Variants in RGS7 observed in about 807,000 individuals in gnomAD.
The protein encoded by RGS7 is regulator of G protein signaling 7.
Under a neutral mutation model 81.1 loss-of-function variants are expected in RGS7, and 27 were observed. The observed-to-expected ratio is 0.33, with a 90% CI of 0.25 to 0.46. The LOEUF is 0.46. Among genes scored for constraint, RGS7 ranks in the 20% least tolerant of loss-of-function variants. RGS7 has a pLI of 1.00. For missense variants in RGS7, 396 were observed against 607.4 expected, an observed-to-expected ratio of 0.65 and a Z score of 3.66; for synonymous variants, 208 against 207.7, an observed-to-expected ratio of 1.00 and a Z score of -0.01.
In RGS7 at chr1:240,785,649, G is replaced by A. The variant is rs117996336; in HGVS notation, c.*7-9436C>T. 4.6e-5 allele frequency among the ~76,000 whole-genome samples: 7 copies of A among 152,238 alleles called. No individual in the cohort carries two copies. The East Asian group carries it at 1.4e-3, about 29-fold the overall frequency. ...CTTGGGAAAATTAACTTTTAATTTG[G>A]GGGAGGAGAGACATGGTGGAGAGAG... On this transcript the variant is annotated intron_variant, in intron 18 of 18. Transcript: ENST00000440928.
intron 2 of RGS7, among the ~76,000 whole-genome samples, chr1:241,260,096 T>C (rs1296627177): frequency 6.6e-6 from 1 of 152,232 alleles, no homozygotes; most frequent in African/African-American, 2.4e-5. Flanking sequence ...AAATTCTTAC[T>C]GCTTCGTCTC....
At chr1:240,917,413 C>T (rs1672782895) in intron 6 of RGS7, among the ~76,000 whole-genome samples, 1 of 152,020 alleles carries the variant, frequency 6.6e-6, no homozygotes, top group Non-Finnish European at 1.5e-5. Flanking sequence ...ATGATACCAG[C>T]AACAATGCAA....
In RGS7 at chr1:241,089,092, T is replaced by TATATAC. The variant is rs1553414830; in HGVS notation, c.175+9568_175+9573dup. Among the ~76,000 whole-genome samples the TATATAC allele has an allele frequency of 7.0e-3, 699 of 99,986 alleles. 43 individuals carry two copies. The highest frequency in any genetic ancestry group is 0.014 in the South Asian group (45 of 3,144). 65.6% of individuals were successfully genotyped at this position (99,986 alleles called of 152,430 possible). The stretch of plus-strand genomic sequence containing the variant: ...ATATATATATATATATATATATATA[T>TATATAC]ATATACTGGCTTAGACCTAAGGTGA... On this transcript the variant is annotated intron_variant, in intron 3 of 18. Transcript: ENST00000440928.
Position 240,816,369 on chromosome 1 carries a change from T to C in RGS7, c.731A>G (p.His244Arg). Residue 244 changes from histidine (H) to arginine (R), a missense_variant, in exon 11 of 19, where the codon CAC (histidine) becomes CGC (arginine). His to Arg is a conservative substitution (Grantham distance 29). Coordinates refer to ENST00000440928, the MANE Select transcript of RGS7 (RefSeq NM_001364886.1). ...QNDIRSHSPTHTPTPETKPPT... is the reference protein window; with the variant it reads ...QNDIRSHSPTRTPTPETKPPT... ...AGGTTTAGTTTCTGGTGTGGGTGTG[T>C]GGGTAGGACTGTGACTTCTAATATC... The C allele has an allele frequency of 6.2e-7, 1 of 1,612,118 alleles. No individual in the cohort carries two copies. The highest frequency in any genetic ancestry group is 1.7e-5 in the Admixed American group (1 of 60,024).
intron 6 of RGS7, among the ~76,000 whole-genome samples, chr1:240,915,463 A>C (rs940506361): frequency 1.3e-5 from 2 of 152,168 alleles, no homozygotes; most frequent in African/African-American, 4.8e-5. Flanking sequence ...AACGCAACGG[A>C]AAGAACTGTA....
chr1:241,224,066 A>G lies in RGS7; in HGVS notation c.79-125304T>C, dbSNP rs2075168834. ...AATGACTGGTTGACTGGTGACCAATATATATATATATACCATATATATATT... is the reference window on the plus strand; with the variant it reads ...AATGACTGGTTGACTGGTGACCAATGTATATATATATACCATATATATATT... On this transcript the variant is annotated intron_variant, in intron 2 of 18. Transcript: ENST00000440928. Among the ~76,000 whole-genome samples the G allele has an allele frequency of 5.4e-5, 8 of 149,340 alleles. No individual in the cohort carries two copies. In the South Asian group the frequency reaches 1.7e-3, roughly 31 times the overall value.
At chr1:241,028,028 C>T (rs935817422) in intron 3 of RGS7, among the ~76,000 whole-genome samples, 10 of 152,172 alleles carry the variant, frequency 6.6e-5, no homozygotes, top group Admixed American at 1.3e-4. Flanking sequence ...TGGAGAGAAA[C>T]GTGTATCAGC....
chr1:240,782,628 T>C (rs1454526152), intron 18 of RGS7, among the ~76,000 whole-genome samples: 1 of 151,766 alleles, frequency 6.6e-6, no homozygotes, highest in Non-Finnish European at 1.5e-5. Context: ...CATTATGTCA[T>C]CCAGTCTGAT....
chr1:241,229,843 T>C (rs2075549679), intron 2 of RGS7, among the ~76,000 whole-genome samples: 1 of 152,184 alleles, frequency 6.6e-6, no homozygotes. Context: ...AACTTATCTA[T>C]GAAGATAAAG....
At chr1:240,785,481 A>C (rs914724001) in intron 18 of RGS7, among the ~76,000 whole-genome samples, 1 of 152,224 alleles carries the variant, frequency 6.6e-6, no homozygotes, top group Admixed American at 6.5e-5. Context: ...GGCCTGATGA[A>C]GTGATAACGG....
At chr1:241,276,372 A>C (rs4659596) in intron 2 of RGS7, among the ~76,000 whole-genome samples, 60,497 of 152,030 alleles carry the variant, frequency 0.4, 12,768 homozygotes, top group East Asian at 0.56. Flanking sequence ...ATAAAGCCTG[A>C]GAGGTTAATA....
At position 240,868,078 on chromosome 1, in the gene RGS7, GAAAGAAAAAGAAAGA is replaced by G. The variant is rs1287883795; in HGVS notation, c.609+494_609+508del. Among the ~76,000 whole-genome samples, 48 of 115,782 alleles carry G rather than the reference GAAAGAAAAAGAAAGA, an allele frequency of 4.1e-4. No individual in the cohort carries two copies. The highest frequency in any genetic ancestry group is 4.5e-3 in the Middle Eastern group (1 of 224). 76.0% of individuals were successfully genotyped at this position (115,782 alleles called of 152,430 possible). On this transcript the variant is annotated intron_variant, in intron 9 of 18. Transcript: ENST00000440928. The surrounding 1 kb of genome is among the most constrained non-coding windows in gnomAD (Gnocchi z 5.1). ...AAGAAAGAAAAGAAGAGAAAAGAAA[GAAAGAAAAAGAAAGA>G]AAAGAAAAAGAAAGAAAAGAAAAGG... is the stretch of plus-strand genomic sequence containing the variant.
intron 2 of RGS7, among the ~76,000 whole-genome samples, chr1:241,243,175 G>A (rs2076345560): frequency 6.6e-6 from 1 of 152,136 alleles, no homozygotes; most frequent in Admixed American, 6.5e-5. Flanking sequence ...AGTGTCACCT[G>A]AACTATCTTG....
intron 3 of RGS7, among the ~76,000 whole-genome samples, chr1:241,085,347 G>A (rs76341942): frequency 7.9e-5 from 12 of 152,258 alleles, no homozygotes; most frequent in Admixed American, 2.6e-4. Flanking sequence ...TATTTCCAGA[G>A]ATATTACCTG....
intron 6 of RGS7, among the ~76,000 whole-genome samples, chr1:240,904,203 A>C (rs537054766): frequency 1.1e-4 from 16 of 152,332 alleles, no homozygotes; most frequent in African/African-American, 3.8e-4. Flanking sequence ...AGAAAAGAAT[A>C]AAATTTATTG....
chr1:241,314,818 C>T (rs888506815), intron 2 of RGS7, among the ~76,000 whole-genome samples: 1 of 152,082 alleles, frequency 6.6e-6, no homozygotes, highest in African/African-American at 2.4e-5. Flanking sequence ...GTAGCATGAG[C>T]TAACTCAAAT....
At chr1:241,178,420 C>G (rs2071338791) in intron 2 of RGS7, among the ~76,000 whole-genome samples, 1 of 152,100 alleles carries the variant, frequency 6.6e-6, no homozygotes, top group Admixed American at 6.6e-5. Flanking sequence ...GCCATAGAAC[C>G]AGCTGTGATC....
chr1:241,230,423 A>C (rs918948561), intron 2 of RGS7, among the ~76,000 whole-genome samples: 1 of 152,104 alleles, frequency 6.6e-6, no homozygotes, highest in African/African-American at 2.4e-5. Context: ...CATGTTAGTC[A>C]GTCTGGTCCT....
At chr1:241,127,497 A>T (rs904220915) in intron 2 of RGS7, among the ~76,000 whole-genome samples, 6 of 152,194 alleles carry the variant, frequency 3.9e-5, no homozygotes, top group Non-Finnish European at 8.8e-5. Context: ...AACAATGAGA[A>T]CACATGGACA....
Sources: allele counts gnomAD v4.1 joint callset (sites outside exome capture counted in the v4.1 genomes callset), GRCh38; gene constraint gnomAD v4.1.1; non-coding constraint Gnocchi (gnomAD v3.1); transcripts MANE v1.5; gene names NCBI Gene and HGNC (gene_info 2026-07-23, HGNC 2026-07-21).